The following FCHO2 variants were observed in gnomAD, a reference collection of about 807,000 sequenced individuals.
FCHO2 encodes F-BAR domain only protein 2.
Under a neutral mutation model 114.1 loss-of-function variants are expected in FCHO2, and 43 were observed. The observed-to-expected ratio is 0.38, with a 90% CI of 0.30 to 0.49. The LOEUF is 0.49. FCHO2 is among the 20% of genes least tolerant of loss of function. The pLI, the probability that FCHO2 is intolerant of heterozygous loss-of-function variation, is 0.97. For synonymous variants in FCHO2, 293 were observed against 315.2 expected (o/e 0.93, Z 0.75); for missense variants, 807 against 950.4 (o/e 0.85, Z 1.98).
At chr5:72,964,051 G>C (rs748270403) in intron 1 of FCHO2, among the ~76,000 whole-genome samples, 11 of 151,534 alleles carry the variant, frequency 7.3e-5, no homozygotes, top group Non-Finnish European at 1.3e-4. Flanking sequence ...GAAATTGTTG[G>C]TTTAGTTTTT....
rs1163957928 is a variant in FCHO2, at chr5:72,980,015, C to G, written c.126-9412C>G. 2.6e-5 allele frequency among the ~76,000 whole-genome samples: 4 copies of G among 152,050 alleles called. No homozygotes were observed. In the South Asian group the frequency reaches 6.2e-4, roughly 24 times the overall value. The stretch of plus-strand genomic sequence containing the variant: ...TTTGAATTTGTTTGCTCTTGCTTCT[C>G]TAGTTCTTTTAATTGTGATGTTAGG... On this transcript the variant is annotated intron_variant, in intron 2 of 25. Coordinates refer to ENST00000430046, the MANE Select transcript of FCHO2 (RefSeq NM_138782.3).
intron 1 of FCHO2, among the ~76,000 whole-genome samples, chr5:72,966,711 T>C (rs1235697191): frequency 6.6e-6 from 1 of 152,236 alleles, no homozygotes; most frequent in Admixed American, 6.5e-5. Context: ...GCTTTCTGTT[T>C]TCAGTGGACT....
At position 72,993,591 on chromosome 5, in the gene FCHO2, C is replaced by A. The variant is rs115504738; in HGVS notation, c.495+2727C>A. On this transcript the variant is annotated intron_variant, in intron 5 of 25. Coordinates refer to ENST00000430046, the MANE Select transcript of FCHO2 (RefSeq NM_138782.3). ...GTATTTTTTTTTCCTCATATGAAAT[C>A]AGAATGCATTTTCAATTGATGGTAT... Among the ~76,000 whole-genome samples, 725 of 152,004 alleles carry A rather than the reference C, an allele frequency of 4.8e-3. 6 individuals carry two copies. Among genetic ancestry groups the A allele is most frequent in the African/African-American group, 0.017 (699 of 41,488 alleles).
At chr5:73,051,550 T>C (rs1757336794) in intron 12 of FCHO2, 144 bp downstream of exon 12, 3 of 605,398 alleles carry the variant, frequency 5.0e-6, no homozygotes, top group Admixed American at 3.8e-5. Context: ...ATGTTTTTTG[T>C]TGTTGTTGTT....
At chr5:73,086,669 C>T (rs559005855) in intron 24 of FCHO2, among the ~76,000 whole-genome samples, 114 of 152,170 alleles carry the variant, frequency 7.5e-4, no homozygotes, top group Non-Finnish European at 1.5e-3. Context: ...CCCAACCTTG[C>T]ATCTTGTGCT....
chr5:73,051,119 C>A (rs1757317686), intron 11 of FCHO2: 3 of 376,984 alleles, frequency 8.0e-6, no homozygotes, highest in Non-Finnish European at 1.4e-5. Flanking sequence ...TGTGTTTCTC[C>A]TGTTTCATTT....
intron 2 of FCHO2, among the ~76,000 whole-genome samples, chr5:72,983,873 T>A (rs1040789228): frequency 5.3e-5 from 8 of 152,020 alleles, no homozygotes; most frequent in Non-Finnish European, 1.0e-4. Flanking sequence ...CATATATATA[T>A]ATATACATTT....
rs536694103 is a variant in FCHO2 at position 72,998,502 on chromosome 5, A to C, written c.495+7638A>C. Among the ~76,000 whole-genome samples the C allele has an allele frequency of 2.9e-3, 446 of 152,100 alleles. 4 individuals carry two copies. The highest frequency in any genetic ancestry group is 0.015 in the South Asian group (72 of 4,818). ...ACTCCGTCTCAAAAAAGAAAAAAAA[A>C]ATGTAAGTCACAGGAGCAGTTTACT... is the stretch of plus-strand genomic sequence containing the variant. On this transcript the variant is annotated intron_variant, in intron 5 of 25. Transcript: ENST00000430046.
intron 6 of FCHO2, among the ~76,000 whole-genome samples, chr5:73,012,423 C>T (rs931614594): frequency 7.2e-5 from 11 of 151,968 alleles, no homozygotes; most frequent in Non-Finnish European, 1.5e-4. Flanking sequence ...GAGATTGAGA[C>T]TATACTGGCC....
At chr5:73,046,325 C>G (rs1036677635) in intron 11 of FCHO2, among the ~76,000 whole-genome samples, 4 of 152,136 alleles carry the variant, frequency 2.6e-5, no homozygotes, top group East Asian at 3.9e-4. Flanking sequence ...TTTGACCCCC[C>G]CAAAATGCTG....
At chr5:73,070,262 T>C (rs1742569881) in intron 19 of FCHO2, among the ~76,000 whole-genome samples, 1 of 152,118 alleles carries the variant, frequency 6.6e-6, no homozygotes, top group South Asian at 2.1e-4. Flanking sequence ...GTGGCCATTG[T>C]AAAAAGACGA....
At position 72,990,917 on chromosome 5, in the gene FCHO2, A is replaced by G. The variant is rs980679625; in HGVS notation, c.495+53A>G. On this transcript the variant is annotated intron_variant, in intron 5 of 25. Transcript: ENST00000430046. The stretch of plus-strand genomic sequence containing the variant: ...TGGTTTCAAAGCACCTTGACATACA[A>G]AATTGCATTTAACATTTAGATCAAA... The G allele has an allele frequency of 2.7e-6, 4 of 1,495,328 alleles. No homozygotes were observed. The Admixed American group carries it at 1.0e-4, about 37-fold the overall frequency. 92.6% of individuals were successfully genotyped at this position (1,495,328 alleles called of 1,614,324 possible). A position where few individuals can be genotyped will look rare whatever the true frequency, so the allele number is the denominator to read the frequency against.
intron 5 of FCHO2, among the ~76,000 whole-genome samples, chr5:72,996,287 A>T (rs1754094028): frequency 6.6e-6 from 1 of 151,682 alleles, no homozygotes; most frequent in African/African-American, 2.4e-5. Flanking sequence ...ATATAATGGG[A>T]TACAATACAG....
At chr5:72,999,788 T>G (rs565403524) in intron 5 of FCHO2, among the ~76,000 whole-genome samples, 1 of 152,192 alleles carries the variant, frequency 6.6e-6, no homozygotes. Context: ...GATTGTACTA[T>G]AAAAGTCATA....
chr5:73,055,186 G>A lies in FCHO2; in HGVS notation c.1210+637G>A, dbSNP rs1757533809. On this transcript the variant is annotated intron_variant, in intron 15 of 25. Transcript: ENST00000430046. ...GTAAGGATTTTATCTTTAAAGAAATGTTGATTGTAGCTTAATGATAGGGGG... is the reference window on the plus strand; with the variant it reads ...GTAAGGATTTTATCTTTAAAGAAATATTGATTGTAGCTTAATGATAGGGGG... 3 of 230,208 alleles carry A rather than the reference G, an allele frequency of 1.3e-5. No individual in the cohort carries two copies. In the South Asian group the frequency reaches 1.6e-4, roughly 12 times the overall value. The allele number at this position is 230,208 out of a possible 1,614,324, so 14.3% of individuals were successfully genotyped here. A position where few individuals can be genotyped will look rare whatever the true frequency, so the allele number is the denominator to read the frequency against.
chr5:73,065,239 C>G (rs1758009025), intron 18 of FCHO2, among the ~76,000 whole-genome samples: 1 of 151,992 alleles, frequency 6.6e-6, no homozygotes, highest in African/African-American at 2.4e-5. Context: ...ATACTTCATT[C>G]TCTTTTTTAA....
intron 11 of FCHO2, among the ~76,000 whole-genome samples, chr5:73,050,294 CTATTTATT>C (rs3054232): frequency 0.014 from 1,723 of 123,568 alleles, 27 homozygotes; most frequent in Middle Eastern, 0.041. Flanking sequence ...TAGCTTTCTG[CTATTTATT>C]TATTTATTTA....
intron 1 of FCHO2, among the ~76,000 whole-genome samples, chr5:72,964,132 A>T (rs991990474): frequency 1.3e-5 from 2 of 152,098 alleles, no homozygotes; most frequent in Non-Finnish European, 2.9e-5. Flanking sequence ...TATAAAAATT[A>T]AAAAATTAAC....
intron 11 of FCHO2, among the ~76,000 whole-genome samples, chr5:73,048,029 A>G (rs6890953): frequency 6.6e-6 from 1 of 151,874 alleles, no homozygotes; most frequent in Non-Finnish European, 1.5e-5. Context: ...GAGATGAGAT[A>G]TGACTATATT....
Sources: allele counts gnomAD v4.1 joint callset (sites outside exome capture counted in the v4.1 genomes callset), GRCh38; gene constraint gnomAD v4.1.1; transcripts MANE v1.5; gene names NCBI Gene and HGNC (gene_info 2026-07-23, HGNC 2026-07-21).